The following ZNF184 variants were observed in gnomAD, a reference collection of about 807,000 sequenced individuals.
ZNF184 encodes the protein zinc finger protein 184 (Kruppel-like).
ZNF184 carries 16 observed loss-of-function variants against 54.4 expected under a neutral mutation model. The observed-to-expected ratio is 0.29, with a 90% CI of 0.20 to 0.45. The LOEUF is 0.45. ZNF184 is among the 20% of genes least tolerant of loss of function. ZNF184 has a pLI of 1.00. For missense variants in ZNF184, 681 were observed against 888.2 expected (o/e 0.77, Z 2.97); for synonymous variants, 254 against 295.3 (o/e 0.86, Z 1.43).
chr6:27,432,106 C>G, the ZNF184 span, among the ~76,000 whole-genome samples: 7 of 152,048 alleles, frequency 4.6e-5, no homozygotes, highest in African/African-American at 1.7e-4. The surrounding 1 kb of genome is among the most constrained non-coding windows in gnomAD (Gnocchi z 4.0). Context: ...CCCACCCCCA[C>G]CTTGCTAGGA....
the ZNF184 span, chr6:27,404,822 G>A: frequency 6.6e-6 from 1 of 152,118 alleles, no homozygotes; most frequent in South Asian, 2.1e-4. Context: ...TTCAAGACCA[G>A]CCTGGCCAAC....
At chr6:27,462,064 C>G (rs924465043) in intron 3 of ZNF184, among the ~76,000 whole-genome samples, 3 of 152,142 alleles carry the variant, frequency 2.0e-5, no homozygotes, top group Non-Finnish European at 2.9e-5. Context: ...GTAGAATACT[C>G]AATGGTCCTG....
chr6:27,409,509 A>C, the ZNF184 span, among the ~76,000 whole-genome samples: 4 of 139,864 alleles, frequency 2.9e-5, no homozygotes, highest in Admixed American at 7.0e-5. Flanking sequence ...AAAAAAAAAA[A>C]AAAAAAAAAA....
the ZNF184 span, among the ~76,000 whole-genome samples, chr6:27,409,521 A>AAAC: frequency 6.7e-6 from 1 of 148,872 alleles, no homozygotes; most frequent in East Asian, 1.9e-4. Flanking sequence ...AAAAAAAAAA[A>AAAC]CACAAAACAA....
At chr6:27,424,193 C>T in the ZNF184 span, among the ~76,000 whole-genome samples, 5 of 152,132 alleles carry the variant, frequency 3.3e-5, no homozygotes, top group Non-Finnish European at 7.4e-5. Context: ...TAAGGCACCG[C>T]GTCTGGAGTT....
the ZNF184 span, among the ~76,000 whole-genome samples, chr6:27,436,767 TG>T: frequency 2.0e-5 from 3 of 152,212 alleles, no homozygotes; most frequent in African/African-American, 7.2e-5. Context: ...GTAAGCTCCT[TG>T]GAGAAAAGGA....
chr6:27,454,423 A>T (rs1762805443), intron 5 of ZNF184, among the ~76,000 whole-genome samples: 1 of 152,256 alleles, frequency 6.6e-6, no homozygotes, highest in African/African-American at 2.4e-5. Flanking sequence ...GACGACATCA[A>T]TACAATACAG....
chr6:27,442,862 GAAAGAAAGAAAGAAAGAAAA>G, the ZNF184 span, among the ~76,000 whole-genome samples: 10 of 58,508 alleles, frequency 1.7e-4, no homozygotes, highest in African/African-American at 7.4e-4. Context: ...AAGAAAGAAA[GAAAGAAAGAAAGAAAGAAAA>G]AGAAAAAAAG....
chr6:27,411,604 C>G, the ZNF184 span, among the ~76,000 whole-genome samples: 4 of 152,132 alleles, frequency 2.6e-5, no homozygotes, highest in Non-Finnish European at 4.4e-5. Context: ...GAACCAGAAA[C>G]TTTGGGGTTT....
intron 5 of ZNF184, 83 bp downstream of exon 5, chr6:27,456,743 T>C (rs1234358009): frequency 2.5e-6 from 3 of 1,187,836 alleles, no homozygotes; most frequent in Non-Finnish European, 3.7e-6. Context: ...AGAAAGTACA[T>C]CTACACTTCA....
the ZNF184 span, among the ~76,000 whole-genome samples, chr6:27,409,724 A>T: frequency 0.036 from 5,426 of 152,172 alleles, 201 homozygotes; most frequent in African/African-American, 0.094. Flanking sequence ...TTAATTATTG[A>T]AGAAAAATAC....
intron 3 of ZNF184, among the ~76,000 whole-genome samples, chr6:27,465,051 A>G (rs983569386): frequency 2.7e-5 from 4 of 147,392 alleles, no homozygotes; most frequent in African/African-American, 7.6e-5. Flanking sequence ...AGCTTCTATC[A>G]TGTGAGGACA....
At chr6:27,426,654 T>C in the ZNF184 span, among the ~76,000 whole-genome samples, 22 of 152,210 alleles carry the variant, frequency 1.4e-4, no homozygotes, top group Non-Finnish European at 2.5e-4. The surrounding 1 kb of genome is among the most constrained non-coding windows in gnomAD (Gnocchi z 4.2). Flanking sequence ...GTCCCTACTA[T>C]TTAAAAACAT....
At chr6:27,458,848 A>G (rs1227502561) in intron 3 of ZNF184, among the ~76,000 whole-genome samples, 1 of 152,188 alleles carries the variant, frequency 6.6e-6, no homozygotes, top group Non-Finnish European at 1.5e-5. Context: ...CAACAGACGA[A>G]TGGATAAAGA....
chr6:27,452,359 G>A lies in ZNF184; in HGVS notation c.1200C>T (p.Asn400=), dbSNP rs199765010. 308 of 1,613,502 alleles carry A rather than the reference G, an allele frequency of 1.9e-4. 3 individuals are homozygous for A. The Middle Eastern group carries it at 6.8e-3, about 35-fold the overall frequency. The change falls in exon 6 of 6, where the codon AAC becomes AAT. Residue 400 remains asparagine (N), a synonymous_variant. Transcript: ENST00000683788. This position sits in a 1 kb window ranked among gnomAD's most constrained non-coding sequence, Gnocchi z 5.5. ...YKCNECGKAF[N]GPSTFIRHHM... ...GATGACGGATAAAAGTTGAGGGCCC[G>A]TTGAAGGCCTTTCCACATTCATTAC...
At chr6:27,442,754 GGAAGGAAGGAAGGAA>G in the ZNF184 span, among the ~76,000 whole-genome samples, 1 of 137,378 alleles carries the variant, frequency 7.3e-6, no homozygotes, top group Non-Finnish European at 1.6e-5. Flanking sequence ...AGGGAGGGAG[GGAAGGAAGGAAGGAA>G]GAAGGAAGGA....
chr6:27,427,126 A>AAAAAAC, the ZNF184 span, among the ~76,000 whole-genome samples: 1 of 151,540 alleles, frequency 6.6e-6, no homozygotes, highest in Non-Finnish European at 1.5e-5. Flanking sequence ...TAAAAAAAAA[A>AAAAAAC]AAAAAAAAAA....
intron 3 of ZNF184, 53 bp downstream of exon 3, chr6:27,467,800 A>T: frequency 2.0e-6 from 3 of 1,529,878 alleles, no homozygotes; most frequent in Non-Finnish European, 2.7e-6. Flanking sequence ...AAAACAAAAA[A>T]CCACAATCAC....
the ZNF184 span, among the ~76,000 whole-genome samples, chr6:27,430,067 A>G: frequency 1.3e-5 from 2 of 152,168 alleles, no homozygotes; most frequent in African/African-American, 4.8e-5. Flanking sequence ...GAGTTAATTT[A>G]ACAGGGTTTG....
Sources: allele counts gnomAD v4.1 joint callset (sites outside exome capture counted in the v4.1 genomes callset), GRCh38; gene constraint gnomAD v4.1.1; non-coding constraint Gnocchi (gnomAD v3.1); transcripts MANE v1.5; gene names NCBI Gene and HGNC (gene_info 2026-07-23, HGNC 2026-07-21).